BMP1: variants seen among roughly 807,000 people sequenced by gnomAD.
The protein encoded by BMP1 is mammalian tolloid protein.
A neutral mutation model predicts 116.8 loss-of-function variants in BMP1; 63 were observed. That is an observed-to-expected ratio of 0.54 (90% CI 0.44 to 0.67). The LOEUF (loss-of-function observed/expected upper bound fraction) is 0.67, where lower values mean the gene tolerates loss of function less well. Among genes scored for constraint, BMP1 ranks in the 30% least tolerant of loss-of-function variants. The pLI is 0.00. For synonymous variants in BMP1, 536 were observed against 533.4 expected, an observed-to-expected ratio of 1.00 and a Z score of -0.07; for missense variants, 1,183 against 1,358.9, an observed-to-expected ratio of 0.87 and a Z score of 2.04.
At position 22,201,958 on chromosome 8, in the gene BMP1, C is replaced by T. The variant is rs758858450; in HGVS notation, c.2233+30C>T. On this transcript the variant is annotated intron_variant, in intron 16 of 19. Transcript: ENST00000306385. ...GGGCTGCATGCCAGGGGCATCTGGG[C>T]TTGAAGGACCTGCTGCTGGGAGTGG... 2.5e-6 allele frequency: 4 copies of T among 1,591,748 alleles called. No homozygotes were observed. In the East Asian group the frequency reaches 6.7e-5, roughly 27 times the overall value.
Position 22,209,391 on chromosome 8 carries a change from G to T in BMP1, c.2576-54G>T, listed in dbSNP as rs1239405236. On this transcript the variant is annotated intron_variant, in intron 18 of 19. Transcript: ENST00000306385. The stretch of plus-strand genomic sequence containing the variant: ...GGCACGCCATGGCATAGTGTGCCAT[G>T]GGGCCTGGCACCTGCGGTGCTCAGG... The T allele has an allele frequency of 2.5e-6, 4 of 1,593,064 alleles. No homozygotes were observed. The East Asian group carries it at 6.7e-5, about 27-fold the overall frequency.
chr8:22,194,792 C>T lies in BMP1; in HGVS notation c.1512C>T (p.Thr504=). 2 of 1,614,124 alleles carry T rather than the reference C, an allele frequency of 1.2e-6. No individual in the cohort carries two copies. The highest frequency in any genetic ancestry group is 8.5e-7 in the Non-Finnish European group (1 of 1,179,996). Residue 504 remains threonine, a synonymous_variant, in exon 12 of 20, where the codon ACC becomes ACT. Transcript: ENST00000306385. This position sits in a 1 kb window ranked among gnomAD's most constrained non-coding sequence, Gnocchi z 4.5. ...EVRDGHSESS[T]LIGRYCGYEK... is the part of the protein sequence containing the mutation. ...GCGACGGGCACAGTGAGAGCAGCAC[C>T]CTCATCGGGCGCTACTGTGGCTATG...
At position 22,173,483 on chromosome 8, in the gene BMP1, G is replaced by A. The variant is rs1031313091; in HGVS notation, c.149-119G>A. 9 of 623,324 alleles carry A rather than the reference G, an allele frequency of 1.4e-5. No individual in the cohort carries two copies. The African/African-American group carries it at 1.5e-4, about 10-fold the overall frequency. 38.6% of individuals were successfully genotyped at this position (623,324 alleles called of 1,614,324 possible). A position where few individuals can be genotyped will look rare whatever the true frequency, so the allele number is the denominator to read the frequency against. On this transcript the variant is annotated intron_variant, in intron 1 of 19. Transcript: ENST00000306385. Reference sequence around the variant, plus strand: ...TCCTTCTCGTTCAGATGGCATTTGAGGATCACAGTCGCTGTGGAGGTTGGG... The same window carrying A: ...TCCTTCTCGTTCAGATGGCATTTGAAGATCACAGTCGCTGTGGAGGTTGGG...
Position 22,173,692 on chromosome 8 carries a change from G to C in BMP1, c.239G>C (p.Arg80Pro). The change falls in exon 2 of 20, where the codon CGT (arginine) becomes CCT (proline). Residue 80 changes from arginine (R) to proline (P), a missense_variant. Arg to Pro is a moderately radical substitution (Grantham distance 103, BLOSUM62 -2). This residue lies in a region of BMP1 where 185 missense variants were observed against 158.9 expected (regional missense o/e 1.16). Transcript: ENST00000306385. The stretch of plus-strand genomic sequence containing the variant: ...GTGGATCTCAGACGGCACACAGCTC[G>C]TAAGTCCTCCATCAAAGCTGCAGGT... ...QAVDLRRHTA[R>P]KSSIKAAVPG... The C allele has an allele frequency of 1.2e-6, 2 of 1,612,892 alleles. No homozygotes were observed. Among genetic ancestry groups the C allele is most frequent in the Non-Finnish European group, 1.7e-6 (2 of 1,179,258 alleles).
In BMP1 at chr8:22,179,548, T is replaced by C. The variant is rs1828551392; in HGVS notation, c.837-157T>C. The C allele has an allele frequency of 1.5e-6, 2 of 1,310,680 alleles. No homozygotes were observed. Among genetic ancestry groups the C allele is most frequent in the Admixed American group, 2.2e-5 (1 of 45,886 alleles). The allele number at this position is 1,310,680 out of a possible 1,614,324, so 81.2% of individuals were successfully genotyped here. ...GGTGGCTGCTGGTCAGTGGGTAGCA[T>C]AATGACAGGGTGAGACGACTCCACC... On this transcript the variant is annotated intron_variant, in intron 6 of 19. Coordinates refer to ENST00000306385, the MANE Select transcript of BMP1 (RefSeq NM_006129.5). The surrounding 1 kb of genome is among the most constrained non-coding windows in gnomAD (Gnocchi z 4.6).
At position 22,206,828 on chromosome 8, in the gene BMP1, C is replaced by T. The variant is rs368216270; in HGVS notation, c.2234-26C>T. On this transcript the variant is annotated intron_variant, in intron 16 of 19. Coordinates refer to ENST00000306385, the MANE Select transcript of BMP1 (RefSeq NM_006129.5). ...TCGGAGCTTGGGGTCCCTCTCTATC[C>T]CCTTCCGTCACTCGCTTCCCTGCAG... 308 of 1,613,806 alleles carry T rather than the reference C, an allele frequency of 1.9e-4. 1 individual carries two copies. The South Asian group carries it at 2.6e-3, about 14-fold the overall frequency.
At chr8:22,187,517 T>A (rs2131868084) in intron 8 of BMP1, among the ~76,000 whole-genome samples, 1 of 142,604 alleles carries the variant, frequency 7.0e-6, no homozygotes, top group African/African-American at 2.6e-5. Flanking sequence ...TTTTTTTTTT[T>A]TTTTTGTATT....
chr8:22,205,080 A>T (rs1829328459), intron 16 of BMP1, among the ~76,000 whole-genome samples: 1 of 152,164 alleles, frequency 6.6e-6, no homozygotes, highest in Non-Finnish European at 1.5e-5. Flanking sequence ...TCAGGGCAGC[A>T]GGGTAGCAGG....
rs138976457 is a variant in BMP1 at position 22,194,093 on chromosome 8, G to A, written c.1216G>A (p.Val406Ile). 2.3e-5 allele frequency: 37 copies of A among 1,614,096 alleles called. No homozygotes were observed. Among genetic ancestry groups the A allele is most frequent in the East Asian group, 8.9e-5 (4 of 44,892 alleles). The change falls in exon 10 of 20, where the codon GTC becomes ATC. Residue 406 changes from valine (V) to isoleucine (I), a missense_variant. By Grantham distance (29) the Val-to-Ile change is conservative. This residue lies in a region of BMP1 where 956 missense variants were observed against 1,135.2 expected (regional missense o/e 0.84). Coordinates refer to ENST00000306385, the MANE Select transcript of BMP1 (RefSeq NM_006129.5). The surrounding 1 kb of genome is among the most constrained non-coding windows in gnomAD (Gnocchi z 4.5). ...CGGGTCCAAACTCCCTGAGCCTATC[G>A]TCTCCACTGACAGCCGCCTCTGGGT... ...FCGSKLPEPIVSTDSRLWVEF... is the reference protein window; with the variant it reads ...FCGSKLPEPIISTDSRLWVEF...
intron 1 of BMP1, among the ~76,000 whole-genome samples, chr8:22,167,708 G>T (rs75500234): frequency 0.021 from 3,139 of 152,298 alleles, 60 homozygotes; most frequent in Non-Finnish European, 0.032. Context: ...CTGGGCCAGG[G>T]CTGGGGGCGG....
rs1041472997 is a variant in BMP1 at position 22,192,137 on chromosome 8, A to C, written c.1166A>C (p.Lys389Thr). The C allele has an allele frequency of 1.2e-6, 2 of 1,613,370 alleles. No individual in the cohort carries two copies. Among genetic ancestry groups the C allele is most frequent in the Non-Finnish European group, 1.7e-6 (2 of 1,179,766 alleles). The change falls in exon 9 of 20, where the codon AAG (lysine) becomes ACG (threonine). Residue 389 changes from lysine (K) to threonine (T), a missense_variant. Lys to Thr is a moderately conservative substitution (Grantham distance 78). Around this residue, in one of 4 missense-constraint regions of BMP1, gnomAD observed 956 missense variants for 1,135.2 expected, o/e 0.84. Coordinates refer to ENST00000306385, the MANE Select transcript of BMP1 (RefSeq NM_006129.5). Reference sequence around the variant, plus strand: ...GAGGTCCGAGATGGCTTCTGGAGGAAGGCGCCCCTCCGAGGTAACGGCACC... The same window carrying C: ...GAGGTCCGAGATGGCTTCTGGAGGACGGCGCCCCTCCGAGGTAACGGCACC... ...YVEVRDGFWR[K>T]APLRGRFCGS...
rs201714147 is a variant in BMP1, at chr8:22,196,676, G to A, written c.1766-4G>A. ...AGACGATGCCACCTTCCTTGTCCCC[G>A]CAGCTGCTTGTGGCGGATTCCTCAC... is the stretch of plus-strand genomic sequence containing the variant. On this transcript the variant is annotated splice_region_variant and splice_polypyrimidine_tract_variant and intron_variant, in intron 13 of 19. Transcript: ENST00000306385. 189 of 1,613,830 alleles carry A rather than the reference G, an allele frequency of 1.2e-4. No individual in the cohort carries two copies. Among genetic ancestry groups the A allele is most frequent in the Non-Finnish European group, 1.3e-4 (156 of 1,179,976 alleles).
In BMP1 at chr8:22,192,094, T is replaced by G. The variant is rs546434435; in HGVS notation, c.1123T>G (p.Cys375Gly). The G allele has an allele frequency of 1.7e-5, 27 of 1,614,028 alleles. No individual in the cohort carries two copies. The highest frequency in any genetic ancestry group is 2.2e-5 in the Non-Finnish European group (26 of 1,179,924). The change falls in exon 9 of 20, where the codon TGC (cysteine) becomes GGC (glycine). Residue 375 changes from cysteine (C) to glycine (G), a missense_variant. Physicochemically the swap from Cys to Gly is radical, Grantham distance 159. Around this residue, in one of 4 missense-constraint regions of BMP1, gnomAD observed 956 missense variants for 1,135.2 expected, o/e 0.84. Coordinates refer to ENST00000306385, the MANE Select transcript of BMP1 (RefSeq NM_006129.5). Reference protein sequence around the residue: ...TSLDLYRSRLCWYDYVEVRDG... With the variant: ...TSLDLYRSRLGWYDYVEVRDG... Reference sequence around the variant, plus strand: ...CCTGGACCTGTACCGCAGCCGCCTGTGCTGGTACGACTATGTGGAGGTCCG... The same window carrying G: ...CCTGGACCTGTACCGCAGCCGCCTGGGCTGGTACGACTATGTGGAGGTCCG...
At chr8:22,169,411 C>G (rs1319777842) in intron 1 of BMP1, 1 of 152,254 alleles carries the variant, frequency 6.6e-6, no homozygotes, top group Non-Finnish European at 1.5e-5. Context: ...GCCTGTGAAA[C>G]ATGGTGCATG....
intron 8 of BMP1, 147 bp from the exon 9 acceptor site, chr8:22,191,902 T>G: frequency 1.6e-6 from 1 of 620,854 alleles, no homozygotes; most frequent in Non-Finnish European, 2.8e-6. Context: ...GGGGCGGTTC[T>G]GTGCCAGGAG....
At chr8:22,206,372 C>T (rs1829355065) in intron 16 of BMP1, among the ~76,000 whole-genome samples, 2 of 151,930 alleles carry the variant, frequency 1.3e-5, no homozygotes, top group South Asian at 2.1e-4. Context: ...GATGGTGGCG[C>T]ACGTCTGTAA....
intron 18 of BMP1, among the ~76,000 whole-genome samples, chr8:22,208,860 C>T (rs1385102244): frequency 6.6e-6 from 1 of 152,178 alleles, no homozygotes; most frequent in Non-Finnish European, 1.5e-5. Context: ...CCTCCTCTAG[C>T]GAGACCTGAG....
At chr8:22,176,760 C>T (rs1310726728) in intron 4 of BMP1, 110 bp downstream of exon 4, 3 of 1,245,822 alleles carry the variant, frequency 2.4e-6, no homozygotes, top group Admixed American at 3.5e-5. Context: ...CCCTTTATCC[C>T]CTCCTGCTAT....
At chr8:22,191,404 A>G (rs1828927603) in intron 8 of BMP1, among the ~76,000 whole-genome samples, 1 of 152,188 alleles carries the variant, frequency 6.6e-6, no homozygotes, top group African/African-American at 2.4e-5. Flanking sequence ...GTGTCCTTTC[A>G]GCAGTTAGTG....
Sources: gnomAD v4.1 joint callset for allele counts (sites outside exome capture counted in the v4.1 genomes callset) on GRCh38, gnomAD v4.1.1 for gene constraint, gnomAD v4.1.1 regional missense constraint, Gnocchi (gnomAD v3.1) non-coding constraint, MANE v1.5 for transcripts, NCBI Gene and HGNC (gene_info 2026-07-23, HGNC 2026-07-21) for gene names.